The following MSH6 variants were observed in gnomAD, a reference collection of about 807,000 sequenced individuals.
MSH6 encodes mutS homolog 6.
MSH6 carries 85 observed loss-of-function variants against 119.1 expected under a neutral mutation model. The ratio of observed to expected loss-of-function variants is 0.71; its 90% confidence interval spans 0.60 to 0.85. The LOEUF (loss-of-function observed/expected upper bound fraction) is 0.85, where lower values mean the gene tolerates loss of function less well. MSH6 is among the 40% of genes least tolerant of loss of function. The pLI, the probability that MSH6 is intolerant of heterozygous loss-of-function variation, is 0.00. For missense variants in MSH6, 2,163 were observed against 1,655.3 expected (o/e 1.31, Z -5.32); for synonymous variants, 830 against 586.9 (o/e 1.41, Z -5.99).
At position 47,806,496 on chromosome 2, in the gene MSH6, T is replaced by C; in HGVS notation, c.3846T>C (p.Thr1282=). Residue 1282 remains threonine (T), a synonymous_variant, in exon 9 of 10, where the codon ACT becomes ACC. Transcript: ENST00000234420. ...ENECEDPSQE[T]ITFLYKFIKG... ...AATGTGAAGACCCCAGCCAGGAGACTATTACGTTCCTCTATAAATTCATTA... is the reference window on the plus strand; with the variant it reads ...AATGTGAAGACCCCAGCCAGGAGACCATTACGTTCCTCTATAAATTCATTA... The C allele has an allele frequency of 1.2e-6, 2 of 1,614,098 alleles. No individual in the cohort carries two copies. The highest frequency in any genetic ancestry group is 1.1e-5 in the South Asian group (1 of 91,088).
intron 1 of MSH6, among the ~76,000 whole-genome samples, chr2:47,787,863 C>T (rs1668441694): frequency 6.6e-6 from 1 of 152,128 alleles, no homozygotes; most frequent in African/African-American, 2.4e-5. Flanking sequence ...TTAAGAGATC[C>T]TCCCAAAGTG....
rs1064794384 is a variant in MSH6, at chr2:47,806,270, CTA to C, written c.3716_3717del (p.Ile1239LysfsTer35). On this transcript the variant is annotated frameshift_variant, in exon 8 of 10. Transcript: ENST00000234420. LOFTEE classifies it high-confidence loss of function. ...GCAGTTGTTAAAGAACTTGCTGAGA[CTA>C]TAAAATGTCGTACATTATTTTCAAC... 1.2e-6 allele frequency: 2 copies of C among 1,613,970 alleles called. No homozygotes were observed. Among genetic ancestry groups the C allele is most frequent in the Non-Finnish European group, 1.7e-6 (2 of 1,179,892 alleles).
chr2:47,788,922 GTTTTTTTTTTTTTTTT>G (rs1558650240), intron 1 of MSH6, among the ~76,000 whole-genome samples: 2 of 40,932 alleles, frequency 4.9e-5, no homozygotes, highest in South Asian at 1.0e-3. Context: ...TTTTTTTTTT[GTTTTTTTTTTTTTTTT>G]TTTTTTTTTG....
chr2:47,807,202 T>TTTGTCTA (rs1346351366), downstream of MSH6: 1 of 267,552 alleles, frequency 3.7e-6, no homozygotes, highest in Non-Finnish European at 7.2e-6. Flanking sequence ...TTCCAGCAGT[T>TTTGTCTA]TTGTCTAAAC....
In MSH6 at chr2:47,800,476, C is replaced by T. The variant is rs778911612; in HGVS notation, c.2493C>T (p.Pro831=). 9.3e-6 allele frequency: 15 copies of T among 1,613,046 alleles called. No homozygotes were observed. The African/African-American group carries it at 1.9e-4, about 20-fold the overall frequency. Residue 831 remains proline, a synonymous_variant, in exon 4 of 10, where the codon CCC becomes CCT. Coordinates refer to ENST00000234420, the MANE Select transcript of MSH6 (RefSeq NM_000179.3). ...GTAAAATTCATAATGTTGGGTCTCC[C>T]CTGAAGAGTCAGAACCACCCAGACA... is the stretch of plus-strand genomic sequence containing the variant. The part of the protein sequence containing the change: ...LLSKIHNVGS[P]LKSQNHPDSR...
At chr2:47,789,589 A>G in intron 1 of MSH6, 1 of 316,064 alleles carries the variant, frequency 3.2e-6, no homozygotes. Context: ...CTAAGGTAAC[A>G]GCCCTTTTCT....
At chr2:47,796,331 A>G (rs1007356870) in intron 3 of MSH6, among the ~76,000 whole-genome samples, 3 of 152,126 alleles carry the variant, frequency 2.0e-5, no homozygotes, top group Non-Finnish European at 2.9e-5. Flanking sequence ...AGAAGTAGAG[A>G]GCTAGGGACA....
intron 6 of MSH6, 64 bp downstream of exon 6, chr2:47,805,091 C>T (rs587779270): frequency 6.3e-6 from 7 of 1,117,950 alleles, no homozygotes; most frequent in Admixed American, 5.1e-5. Context: ...AAGATATTTG[C>T]TTCTTGTATA....
Position 47,806,814 on chromosome 2 carries a change from ATGC to A in MSH6, c.4040_4042del (p.Ala1347del). ...CTGGCTAGTGAAAGGTCAACTGTAG[ATGC>A]TGAAGCTGTCCATAAATTGCTGACT... On this transcript the variant is annotated inframe_deletion, in exon 10 of 10. Transcript: ENST00000234420. 1.2e-6 allele frequency: 2 copies of A among 1,609,944 alleles called. No individual in the cohort carries two copies. Among genetic ancestry groups the A allele is most frequent in the Non-Finnish European group, 1.7e-6 (2 of 1,178,518 alleles).
intron 7 of MSH6, 51 bp downstream of exon 7, chr2:47,805,758 T>C (rs372479577): frequency 9.3e-6 from 12 of 1,295,856 alleles, no homozygotes; most frequent in African/African-American, 8.7e-5. Context: ...AAAACATTTG[T>C]ACAAATAACT....
chr2:47,808,178 A>G (rs777150118), downstream of MSH6: 3 of 1,613,556 alleles, frequency 1.9e-6, no homozygotes, highest in Non-Finnish European at 2.5e-6. Flanking sequence ...GTGTATCTGT[A>G]TCATGTGTAG....
Position 47,800,495 on chromosome 2 carries a change from C to T in MSH6, c.2512C>T (p.Pro838Ser), listed in dbSNP as rs1669472458. The change falls in exon 4 of 10, where the codon CCA becomes TCA. Residue 838 changes from proline to serine, a missense_variant. Coordinates refer to ENST00000234420, the MANE Select transcript of MSH6 (RefSeq NM_000179.3). ...GTCTCCCCTGAAGAGTCAGAACCAC[C>T]CAGACAGCAGGGCTATAATGTATGA... The part of the protein sequence containing the change: ...VGSPLKSQNH[P>S]DSRAIMYEET... The T allele has an allele frequency of 6.2e-7, 1 of 1,612,672 alleles. No homozygotes were observed. Among genetic ancestry groups the T allele is most frequent in the Admixed American group, 1.7e-5 (1 of 59,776 alleles).
At chr2:47,788,188 A>G (rs3136260) in intron 1 of MSH6, among the ~76,000 whole-genome samples, 10,593 of 147,574 alleles carry the variant, frequency 0.072, 553 homozygotes, top group Non-Finnish European at 0.11. Flanking sequence ...TATTAGTAAA[A>G]TTTTTAGTCT....
At chr2:47,806,104 A>G (rs1670017320) in intron 7 of MSH6, 100 bp from the exon 8 acceptor site, 1 of 1,148,080 alleles carries the variant, frequency 8.7e-7, no homozygotes, top group East Asian at 2.5e-5. Flanking sequence ...ACGTGGATGT[A>G]CTAACCGATG....
chr2:47,783,257 C>T lies in MSH6; in HGVS notation c.24C>T (p.Tyr8=), dbSNP rs746306598. 2 of 1,612,062 alleles carry T rather than the reference C, an allele frequency of 1.2e-6. No individual in the cohort carries two copies. Among genetic ancestry groups the T allele is most frequent in the South Asian group, 1.1e-5 (1 of 90,970 alleles). ...GTATGTCGCGACAGAGCACCCTGTA[C>T]AGCTTCTTCCCCAAGTCTCCGGCGC... MSRQSTL[Y]SFFPKSPALS... is the part of the protein sequence containing the mutation. Residue 8 remains tyrosine, a synonymous_variant, in exon 1 of 10, where the codon TAC becomes TAT. Transcript: ENST00000234420.
chr2:47,808,080 A>T, downstream of MSH6: 2 of 1,547,544 alleles, frequency 1.3e-6, no homozygotes, highest in Non-Finnish European at 1.8e-6. Flanking sequence ...TTAAGTTATG[A>T]TGTTACAATG....
At chr2:47,790,766 A>T (rs1019795226) in intron 1 of MSH6, among the ~76,000 whole-genome samples, 161 bp from the exon 2 acceptor site, 1 of 152,224 alleles carries the variant, frequency 6.6e-6, no homozygotes, top group Admixed American at 6.5e-5. Flanking sequence ...GCTTGCATAC[A>T]TTTTTTAAAT....
downstream of MSH6, chr2:47,809,757 T>C: frequency 8.1e-7 from 1 of 1,237,204 alleles, no homozygotes; most frequent in African/African-American, 1.5e-5. Flanking sequence ...TACTGCTTCT[T>C]AAAAACCTGA....
At chr2:47,789,593 C>CT (rs1653531238) in intron 1 of MSH6, among the ~76,000 whole-genome samples, 1 of 152,056 alleles carries the variant, frequency 6.6e-6, no homozygotes, top group African/African-American at 2.4e-5. Flanking sequence ...GGTAACAGCC[C>CT]TTTTCTAAGA....
Sources: allele counts gnomAD v4.1 joint callset (sites outside exome capture counted in the v4.1 genomes callset), GRCh38; gene constraint gnomAD v4.1.1; transcripts MANE v1.5; gene names NCBI Gene and HGNC (gene_info 2026-07-23, HGNC 2026-07-21).